TCF7L1: variants seen among roughly 807,000 people sequenced by gnomAD.
TCF7L1 encodes transcription factor 7-like 1.
A neutral mutation model predicts 63.7 loss-of-function variants in TCF7L1; 18 were observed. That is an observed-to-expected ratio of 0.28 (90% CI 0.20 to 0.42). The LOEUF is 0.42. TCF7L1 is among the 10% of genes least tolerant of loss of function. The probability of loss-of-function intolerance (pLI) is 1.00; values close to 1 mark genes in which losing one functional copy is unlikely to be tolerated. For synonymous variants in TCF7L1, 355 were observed against 340.9 expected, an observed-to-expected ratio of 1.04 and a Z score of -0.46; for missense variants, 654 against 779.3, an observed-to-expected ratio of 0.84 and a Z score of 1.91.
In TCF7L1 at chr2:85,174,517, G is replaced by A. The variant is rs146902630; in HGVS notation, c.441+40067G>A. Among the ~76,000 whole-genome samples the A allele has an allele frequency of 6.6e-4, 100 of 152,252 alleles. 1 individual carries two copies. The highest frequency in any genetic ancestry group is 2.3e-3 in the African/African-American group (97 of 41,538). ...ACCTGGCAGGTGGGTATGAGGCTCA[G>A]CAATGGTACATGCATCTCATTTAAC... On this transcript the variant is annotated intron_variant, in intron 3 of 11. Transcript: ENST00000282111.
chr2:85,242,770 C>T (rs1393652315), intron 3 of TCF7L1, among the ~76,000 whole-genome samples: 1 of 152,154 alleles, frequency 6.6e-6, no homozygotes, highest in African/African-American at 2.4e-5. Context: ...CTTTGCAGAT[C>T]TCCAGTTTTC....
chr2:85,144,005 A>T (rs992768428), intron 3 of TCF7L1, among the ~76,000 whole-genome samples: 1 of 152,116 alleles, frequency 6.6e-6, no homozygotes, highest in African/African-American at 2.4e-5. Flanking sequence ...GAAATTGGGG[A>T]TTGTTTTTCC....
At chr2:85,265,465 C>T (rs928855052) in intron 3 of TCF7L1, among the ~76,000 whole-genome samples, 4 of 152,182 alleles carry the variant, frequency 2.6e-5, no homozygotes, top group Admixed American at 2.6e-4. Flanking sequence ...CCCAGACCTT[C>T]CCCCAGAGGG....
chr2:85,244,119 C>T (rs1156330587), intron 3 of TCF7L1, among the ~76,000 whole-genome samples: 2 of 152,100 alleles, frequency 1.3e-5, no homozygotes, highest in African/African-American at 2.4e-5. Flanking sequence ...AAGGGGATGG[C>T]GCTTGGTAGG....
In TCF7L1 at chr2:85,283,329, C is replaced by T. The variant is rs552281440; in HGVS notation, c.442-166C>T. 8.6e-5 allele frequency among the ~76,000 whole-genome samples: 13 copies of T among 151,046 alleles called. No homozygotes were observed. In the South Asian group the frequency reaches 1.9e-3, roughly 22 times the overall value. ...TAGTGATTGTAAATATATGCTCGCT[C>T]CTGTTATAATCGTTTGGAAATTGAC... On this transcript the variant is annotated intron_variant, in intron 3 of 11. Coordinates refer to ENST00000282111, the MANE Select transcript of TCF7L1 (RefSeq NM_031283.3).
At chr2:85,305,486 G>A (rs1682085612) in intron 8 of TCF7L1, 83 bp downstream of exon 8, 1 of 1,479,370 alleles carries the variant, frequency 6.8e-7, no homozygotes, top group Non-Finnish European at 9.0e-7. Context: ...CAAATGTCAT[G>A]TACTCTTCTC....
At chr2:85,262,242 A>G in intron 3 of TCF7L1, 2 of 547,992 alleles carry the variant, frequency 3.6e-6, no homozygotes, top group South Asian at 1.4e-5. Context: ...TCTATTTTGT[A>G]AGTATCTGAA....
chr2:85,172,942 A>G (rs1678585504), intron 3 of TCF7L1, among the ~76,000 whole-genome samples: 1 of 152,166 alleles, frequency 6.6e-6, no homozygotes, highest in Non-Finnish European at 1.5e-5. Context: ...TCCACTCGCT[A>G]CCACAGCAGC....
Position 85,304,216 on chromosome 2 carries a change from C to T in TCF7L1, c.762-39C>T, listed in dbSNP as rs567784725. The stretch of plus-strand genomic sequence containing the variant: ...AGTGCCTCTCTTCCTCTGCCCTGAG[C>T]TTTCCCAATATGCTGACCAGATTTC... On this transcript the variant is annotated intron_variant, in intron 6 of 11. Coordinates refer to ENST00000282111, the MANE Select transcript of TCF7L1 (RefSeq NM_031283.3). 21 of 1,591,096 alleles carry T rather than the reference C, an allele frequency of 1.3e-5. No individual in the cohort carries two copies. In the Admixed American group the frequency reaches 1.4e-4, roughly 10 times the overall value.
At chr2:85,207,303 C>T (rs1488484125) in intron 3 of TCF7L1, among the ~76,000 whole-genome samples, 7 of 152,162 alleles carry the variant, frequency 4.6e-5, no homozygotes, top group Non-Finnish European at 1.0e-4. Flanking sequence ...TGTTGTCTTT[C>T]ACACCACTTT....
At chr2:85,301,346 G>A (rs552769281) in intron 4 of TCF7L1, among the ~76,000 whole-genome samples, 1 of 152,280 alleles carries the variant, frequency 6.6e-6, no homozygotes. Context: ...TGGAATGGGG[G>A]TAATCACAGC....
chr2:85,299,005 A>G (rs199512730), intron 4 of TCF7L1, among the ~76,000 whole-genome samples: 81 of 151,740 alleles, frequency 5.3e-4, no homozygotes, highest in Non-Finnish European at 8.7e-4. Flanking sequence ...ACAACTATAC[A>G]TAGATCTTCA....
intron 3 of TCF7L1, among the ~76,000 whole-genome samples, chr2:85,240,776 C>CAAAAA (rs397974438): frequency 2.2e-3 from 208 of 95,796 alleles, no homozygotes; most frequent in African/African-American, 6.9e-3. Flanking sequence ...ACTCTTGCCT[C>CAAAAA]AAAAAAAAAA....
At chr2:85,294,071 CTGTCGCCCAGGCTGG>C (rs368104824) in intron 4 of TCF7L1, among the ~76,000 whole-genome samples, 9,366 of 108,674 alleles carry the variant, frequency 0.086, 437 homozygotes, top group African/African-American at 0.15. Flanking sequence ...GGGTCTCCCT[CTGTCGCCCAGGCTGG>C]AGTGCAGTGG....
chr2:85,204,289 C>G (rs1679341355), intron 3 of TCF7L1, among the ~76,000 whole-genome samples: 1 of 37,522 alleles, frequency 2.7e-5, no homozygotes, highest in Non-Finnish European at 5.0e-5. Flanking sequence ...TGATAACTTG[C>G]TTCCCCCCCC....
chr2:85,149,819 C>T (rs1677966544), intron 3 of TCF7L1, among the ~76,000 whole-genome samples: 1 of 152,212 alleles, frequency 6.6e-6, no homozygotes, highest in Admixed American at 6.5e-5. Context: ...GCCACCGCGC[C>T]CGGCTCTGTA....
chr2:85,269,986 A>G (rs893509236), intron 3 of TCF7L1, among the ~76,000 whole-genome samples: 3 of 152,156 alleles, frequency 2.0e-5, no homozygotes, highest in Non-Finnish European at 4.4e-5. Context: ...CTGCCCGTCT[A>G]TGGAGAGGCC....
Position 85,228,079 on chromosome 2 carries a change from A to C in TCF7L1, c.442-55416A>C, listed in dbSNP as rs546491102. Reference sequence around the variant, plus strand: ...TTTTCCATTCAACATTTAATCCTTGAGTAGGTCCTAGCAGTCTGGGCAGTG... The same window carrying C: ...TTTTCCATTCAACATTTAATCCTTGCGTAGGTCCTAGCAGTCTGGGCAGTG... On this transcript the variant is annotated intron_variant, in intron 3 of 11. Transcript: ENST00000282111. Among the ~76,000 whole-genome samples, 8 of 150,912 alleles carry C rather than the reference A, an allele frequency of 5.3e-5. No individual in the cohort carries two copies. The East Asian group carries it at 1.6e-3, about 30-fold the overall frequency.
At chr2:85,251,036 TG>T (rs1469699141) in intron 3 of TCF7L1, among the ~76,000 whole-genome samples, 1 of 152,208 alleles carries the variant, frequency 6.6e-6, no homozygotes, top group Non-Finnish European at 1.5e-5. Context: ...CCTGAGAACA[TG>T]GCCTGAGGCC....
Sources: gnomAD v4.1 joint callset for allele counts (sites outside exome capture counted in the v4.1 genomes callset) on GRCh38, gnomAD v4.1.1 for gene constraint, MANE v1.5 for transcripts, NCBI Gene and HGNC (gene_info 2026-07-23, HGNC 2026-07-21) for gene names.